CIBAR2: variants seen among roughly 807,000 people sequenced by gnomAD.
CIBAR2 encodes the protein CBY1-interacting BAR domain-containing protein 2.
A neutral mutation model predicts 36.2 loss-of-function variants in CIBAR2; 38 were observed. That is an observed-to-expected ratio of 1.05 (90% CI 0.81 to 1.38). The LOEUF (loss-of-function observed/expected upper bound fraction) is 1.38. Among genes scored for constraint, CIBAR2 ranks in the 40% most tolerant of loss-of-function variants. CIBAR2 has a pLI of 0.00. For synonymous variants in CIBAR2, 182 were observed against 149.5 expected (o/e 1.22, Z -1.58); for missense variants, 481 against 383.4 (o/e 1.25, Z -2.13).
At position 85,110,304 on chromosome 16, in the gene CIBAR2, G is replaced by A. The variant is rs771669601; in HGVS notation, c.177C>T (p.Ser59=). The change falls in exon 2 of 9, where the codon TCC becomes TCT. Residue 59 remains serine, a synonymous_variant. Transcript: ENST00000539556. The part of the protein sequence containing the change: ...LVKQLIDFAN[S]ENPELRATMR... ...TGGTGGCCCGCAGCTCGGGGTTCTC[G>A]GAGTTGGCAAAGTCGATGAGCTGCT... 9.3e-6 allele frequency: 15 copies of A among 1,611,590 alleles called. No individual in the cohort carries two copies. The highest frequency in any genetic ancestry group is 2.2e-5 in the East Asian group (1 of 44,834).
intron 7 of CIBAR2, among the ~76,000 whole-genome samples, chr16:85,101,706 G>C (rs1235346398): frequency 6.7e-6 from 1 of 149,446 alleles, no homozygotes; most frequent in Non-Finnish European, 1.5e-5. Context: ...GTCTCGCTCT[G>C]TCGCCCAGGC....
At chr16:85,111,307 C>T (rs539401665) in intron 1 of CIBAR2, among the ~76,000 whole-genome samples, 42 of 152,300 alleles carry the variant, frequency 2.8e-4, no homozygotes, top group Admixed American at 9.2e-4. Flanking sequence ...CCACATGCAC[C>T]GCCCTATAAG....
chr16:85,108,286 G>T (rs1409204082), intron 2 of CIBAR2, among the ~76,000 whole-genome samples, 187 bp from the exon 3 acceptor site: 2 of 152,206 alleles, frequency 1.3e-5, no homozygotes, highest in Non-Finnish European at 2.9e-5. Flanking sequence ...GCCCGGCTCT[G>T]CCTCCCGAGG....
intron 7 of CIBAR2, among the ~76,000 whole-genome samples, chr16:85,101,523 G>A (rs751980774): frequency 7.9e-5 from 12 of 152,046 alleles, no homozygotes; most frequent in African/African-American, 1.2e-4. Context: ...CTAGGCTTGC[G>A]GAAGGGTGTT....
Position 85,100,169 on chromosome 16 carries a change from AG to A in CIBAR2, c.722del (p.Pro241LeufsTer18). 6.2e-7 allele frequency: 1 copy of A among 1,611,142 alleles called. No homozygotes were observed. The highest frequency in any genetic ancestry group is 8.5e-7 in the Non-Finnish European group (1 of 1,178,990). ...DTRLLANTSP[P>X]PSVLQSLASQ... The stretch of plus-strand genomic sequence containing the variant: ...TGGCGAGAGACTGAAGAACAGATGG[AG>A]GGGGGCTGGTGTTGGCAAGCAGCCG... On this transcript the variant is annotated frameshift_variant, in exon 8 of 9. Coordinates refer to ENST00000539556, the MANE Select transcript of CIBAR2 (RefSeq NM_198491.3). LOFTEE classifies it low-confidence loss of function (END_TRUNC).
At chr16:85,107,529 C>G (rs1471040181) in intron 5 of CIBAR2, 138 bp downstream of exon 5, 10 of 887,674 alleles carry the variant, frequency 1.1e-5, no homozygotes, top group Non-Finnish European at 1.9e-5. Flanking sequence ...TTTACTGGTA[C>G]CTTTGGCTTT....
chr16:85,111,924 T>A (rs994721975), intron 1 of CIBAR2, among the ~76,000 whole-genome samples: 1 of 151,906 alleles, frequency 6.6e-6, no homozygotes, highest in Non-Finnish European at 1.5e-5. Context: ...GAACCAGGCG[T>A]GGAAATGAAC....
chr16:85,111,920 G>A (rs2074045763), intron 1 of CIBAR2, among the ~76,000 whole-genome samples: 1 of 152,244 alleles, frequency 6.6e-6, no homozygotes, highest in African/African-American at 2.4e-5. Flanking sequence ...AGAGGAACCA[G>A]GCGTGGAAAT....
In CIBAR2 at chr16:85,103,629, G is replaced by A. The variant is rs62049957; in HGVS notation, c.538-1302C>T. On this transcript the variant is annotated intron_variant, in intron 6 of 8. Coordinates refer to ENST00000539556, the MANE Select transcript of CIBAR2 (RefSeq NM_198491.3). ...ACACATCAGGTGCTGAATAACGTCT[G>A]CCGACTGTTTCAGTTTCTCCTTGCC... Among the ~76,000 whole-genome samples, 949 of 152,334 alleles carry A rather than the reference G, an allele frequency of 6.2e-3. 6 individuals carry two copies. Among genetic ancestry groups the A allele is most frequent in the Middle Eastern group, 0.031 (9 of 294 alleles).
intron 1 of CIBAR2, 126 bp from the exon 2 acceptor site, chr16:85,110,586 G>T: frequency 1.6e-6 from 1 of 637,272 alleles, no homozygotes; most frequent in Non-Finnish European, 2.6e-6. Flanking sequence ...GCACGCACAT[G>T]CCACAGGCTG....
In CIBAR2 at chr16:85,098,467, T is replaced by A; in HGVS notation, c.*718A>T. On this transcript the variant is annotated 3_prime_UTR_variant, in exon 9 of 9. Transcript: ENST00000539556. ...GGCCCTGTTGTACAGATGAGGAAAC[T>A]GAGGCTCAGAGGACACGTGGCTTGC... 4 of 942,462 alleles carry A rather than the reference T, an allele frequency of 4.2e-6. No individual in the cohort carries two copies. Among genetic ancestry groups the A allele is most frequent in the Non-Finnish European group, 5.1e-6 (4 of 790,430 alleles). The allele number at this position is 942,462 out of a possible 1,614,324, so 58.4% of individuals were successfully genotyped here.
intron 1 of CIBAR2, among the ~76,000 whole-genome samples, chr16:85,111,758 C>T (rs1196296523): frequency 6.6e-6 from 1 of 152,212 alleles, no homozygotes; most frequent in Non-Finnish European, 1.5e-5. Flanking sequence ...GCATGAGAAT[C>T]GCTTGAGCCC....
chr16:85,108,765 T>C (rs958823094), intron 2 of CIBAR2, among the ~76,000 whole-genome samples: 2 of 152,110 alleles, frequency 1.3e-5, no homozygotes, highest in Non-Finnish European at 2.9e-5. Flanking sequence ...TCCCAGCTGC[T>C]TGGGAGGCTG....
At chr16:85,103,943 C>A (rs575549050) in intron 6 of CIBAR2, among the ~76,000 whole-genome samples, 1 of 152,242 alleles carries the variant, frequency 6.6e-6, no homozygotes, top group Non-Finnish European at 1.5e-5. Flanking sequence ...CCCGCCCCAA[C>A]GGTGTCAACT....
At chr16:85,105,789 G>A (rs1026639400) in intron 5 of CIBAR2, among the ~76,000 whole-genome samples, 5 of 152,310 alleles carry the variant, frequency 3.3e-5, no homozygotes, top group South Asian at 2.1e-4. Context: ...GGTGCTCCAC[G>A]TTCATTGATA....
At chr16:85,105,482 C>G in intron 5 of CIBAR2, 51 bp from the exon 6 acceptor site, 1 of 1,279,026 alleles carries the variant, frequency 7.8e-7, no homozygotes, top group South Asian at 1.2e-5. Context: ...TGCTTCTGGC[C>G]CTTAGACACC....
rs138995918 is a variant in CIBAR2, at chr16:85,111,633, C to A, written c.20+700G>T. On this transcript the variant is annotated intron_variant, in intron 1 of 8. Coordinates refer to ENST00000539556, the MANE Select transcript of CIBAR2 (RefSeq NM_198491.3). ...GGCCGAGGTGTGCAGATTGCCTGAG[C>A]TCAGGAGTTCAAGACCACCCTGGGC... is the stretch of plus-strand genomic sequence containing the variant. Among the ~76,000 whole-genome samples, 1,520 of 152,284 alleles carry A rather than the reference C, an allele frequency of 1.0e-2. 21 individuals are homozygous for A. The highest frequency in any genetic ancestry group is 0.018 in the Non-Finnish European group (1,250 of 68,020).
chr16:85,104,820 C>T (rs1396643398), intron 6 of CIBAR2, among the ~76,000 whole-genome samples: 1 of 152,178 alleles, frequency 6.6e-6, no homozygotes, highest in African/African-American at 2.4e-5. Context: ...TCAGCTAGTA[C>T]CAAAAGACCC....
rs951092843 is a variant in CIBAR2 at position 85,105,541 on chromosome 16, G to A, written c.433-110C>T. The A allele has an allele frequency of 4.1e-5, 31 of 754,354 alleles. No individual in the cohort carries two copies. The African/African-American group carries it at 5.4e-4, about 13-fold the overall frequency. 46.7% of individuals were successfully genotyped at this position (754,354 alleles called of 1,614,324 possible). A position where few individuals can be genotyped will look rare whatever the true frequency, so the allele number is the denominator to read the frequency against. On this transcript the variant is annotated intron_variant, in intron 5 of 8. Coordinates refer to ENST00000539556, the MANE Select transcript of CIBAR2 (RefSeq NM_198491.3). ...ACCCTTCTCTCAGGCCAGTTCTCCTGCCTCAAGGGACGTTTCTTGCTAATT... is the reference window on the plus strand; with the variant it reads ...ACCCTTCTCTCAGGCCAGTTCTCCTACCTCAAGGGACGTTTCTTGCTAATT...
Sources: gnomAD v4.1 joint callset for allele counts (sites outside exome capture counted in the v4.1 genomes callset) on GRCh38, gnomAD v4.1.1 for gene constraint, MANE v1.5 for transcripts, NCBI Gene and HGNC (gene_info 2026-07-23, HGNC 2026-07-21) for gene names.